The following NTM variants were observed in gnomAD, a reference collection of about 807,000 sequenced individuals.
The protein encoded by NTM is neurotrimin.
In NTM, 13 loss-of-function variants were observed where a neutral mutation model predicts 42.1. That is an observed-to-expected ratio of 0.31 (90% confidence interval 0.20 to 0.49). The LOEUF is 0.49. NTM is among the 20% of genes least tolerant of loss of function. The probability of loss-of-function intolerance (pLI) is 0.99; values close to 1 mark genes in which losing one functional copy is unlikely to be tolerated. For synonymous variants in NTM, 187 were observed against 179.2 expected (o/e 1.04, Z -0.35); for missense variants, 373 against 452.8 (o/e 0.82, Z 1.60).
chr11:131,541,787 A>G (rs1591993230), intron 1 of NTM, among the ~76,000 whole-genome samples: 1 of 152,224 alleles, frequency 6.6e-6, no homozygotes, highest in Non-Finnish European at 1.5e-5. Context: ...GCTGAATTAG[A>G]TAACATATTT....
chr11:131,794,922 G>A, intron 1 of NTM: 1 of 985,262 alleles, frequency 1.0e-6, no homozygotes, highest in African/African-American at 1.7e-5. Flanking sequence ...GGGTAACCAA[G>A]GCTTTGGAGT....
intron 1 of NTM, among the ~76,000 whole-genome samples, chr11:131,626,173 G>T (rs536302122): frequency 5.9e-5 from 9 of 152,160 alleles, no homozygotes; most frequent in African/African-American, 2.2e-4. Context: ...TCATAGAAGA[G>T]AAGTCTTCAA....
intron 2 of NTM, among the ~76,000 whole-genome samples, chr11:131,985,897 A>G (rs565834937): frequency 6.6e-6 from 1 of 152,214 alleles, no homozygotes; most frequent in Non-Finnish European, 1.5e-5. Context: ...TCATCAGGAC[A>G]CAGCACATAG....
intron 2 of NTM, among the ~76,000 whole-genome samples, chr11:131,914,261 G>C (rs2055871493): frequency 6.6e-6 from 1 of 152,090 alleles, no homozygotes; most frequent in Admixed American, 6.5e-5. Flanking sequence ...GTGTGTGTAG[G>C]GGGACAGAGG....
intron 1 of NTM, among the ~76,000 whole-genome samples, chr11:131,462,276 A>C (rs1369799492): frequency 1.3e-5 from 2 of 152,164 alleles, no homozygotes; most frequent in Non-Finnish European, 2.9e-5. Context: ...GGCACAAGAG[A>C]ATTTTTTGGA....
At chr11:131,744,142 G>A (rs898691845) in intron 1 of NTM, among the ~76,000 whole-genome samples, 1 of 152,118 alleles carries the variant, frequency 6.6e-6, no homozygotes, top group Admixed American at 6.5e-5. Flanking sequence ...TTCCCCATCT[G>A]TGAATTAGAG....
chr11:131,709,232 A>G (rs555310727), intron 1 of NTM, among the ~76,000 whole-genome samples: 59 of 152,194 alleles, frequency 3.9e-4, no homozygotes, highest in African/African-American at 1.4e-3. Flanking sequence ...GGGCCATTCT[A>G]GAAACTTCTG....
intron 1 of NTM, among the ~76,000 whole-genome samples, chr11:131,458,193 T>C (rs1302229059): frequency 6.6e-6 from 1 of 152,046 alleles, no homozygotes; most frequent in Non-Finnish European, 1.5e-5. Context: ...AGAGAGTGGG[T>C]TCTTGGTTTA....
chr11:131,655,722 A>G (rs757479069), intron 1 of NTM, among the ~76,000 whole-genome samples: 34 of 152,248 alleles, frequency 2.2e-4, no homozygotes, highest in Non-Finnish European at 4.0e-4. Flanking sequence ...GTTCGATCTG[A>G]CTGTGGAAAT....
intron 2 of NTM, among the ~76,000 whole-genome samples, chr11:131,951,122 C>G (rs1395435402): frequency 6.6e-6 from 1 of 152,094 alleles, no homozygotes; most frequent in Admixed American, 6.5e-5. Context: ...GCATCTAGGC[C>G]TTGATTTTGA....
At chr11:131,568,185 C>G (rs983961631) in intron 1 of NTM, among the ~76,000 whole-genome samples, 2 of 152,210 alleles carry the variant, frequency 1.3e-5, no homozygotes, top group African/African-American at 4.8e-5. Context: ...ATCCTCCAAT[C>G]ATAAACAGTA....
At chr11:131,418,067 G>A (rs1034553508) in intron 1 of NTM, among the ~76,000 whole-genome samples, 2 of 152,184 alleles carry the variant, frequency 1.3e-5, no homozygotes, top group Non-Finnish European at 2.9e-5. Flanking sequence ...GAATTGTAGA[G>A]CTGGAAGGAA....
intron 2 of NTM, among the ~76,000 whole-genome samples, chr11:132,075,654 G>A (rs1267708785): frequency 6.6e-6 from 1 of 152,192 alleles, no homozygotes; most frequent in Non-Finnish European, 1.5e-5. Context: ...GATAATTGCA[G>A]TCTACACAGA....
chr11:131,653,665 G>A (rs927572673), intron 1 of NTM, among the ~76,000 whole-genome samples: 1 of 152,224 alleles, frequency 6.6e-6, no homozygotes, highest in African/African-American at 2.4e-5. Context: ...GCCTGGAGCT[G>A]AGAGTGTAGG....
chr11:131,794,579 A>G (rs2136175783), intron 1 of NTM: 6 of 985,276 alleles, frequency 6.1e-6, no homozygotes, highest in Non-Finnish European at 7.2e-6. Flanking sequence ...GTGCTTGAAT[A>G]AGAAATGGCA....
At chr11:131,920,539 G>T (rs1184070631) in intron 2 of NTM, among the ~76,000 whole-genome samples, 1 of 152,148 alleles carries the variant, frequency 6.6e-6, no homozygotes, top group Non-Finnish European at 1.5e-5. Context: ...TAAATGTAGT[G>T]AACTATGAAT....
intron 1 of NTM, among the ~76,000 whole-genome samples, chr11:131,440,984 C>T (rs1160144318): frequency 6.6e-6 from 1 of 151,970 alleles, no homozygotes; most frequent in Non-Finnish European, 1.5e-5. Flanking sequence ...TGCTTTCCAT[C>T]CTATACAATT....
intron 1 of NTM, among the ~76,000 whole-genome samples, chr11:131,579,051 T>C (rs2058170225): frequency 6.6e-6 from 1 of 152,196 alleles, no homozygotes; most frequent in Non-Finnish European, 1.5e-5. Flanking sequence ...TGAGTCCAGC[T>C]AACAATTGAT....
chr11:132,018,730 C>T (rs1406105948), intron 2 of NTM, among the ~76,000 whole-genome samples: 1 of 151,978 alleles, frequency 6.6e-6, no homozygotes, highest in Non-Finnish European at 1.5e-5. Context: ...ACCCTAGACT[C>T]ATGAAATAAG....
Sources: gnomAD v4.1 joint callset for allele counts (sites outside exome capture counted in the v4.1 genomes callset) on GRCh38, gnomAD v4.1.1 for gene constraint, MANE v1.5 for transcripts, NCBI Gene and HGNC (gene_info 2026-07-23, HGNC 2026-07-21) for gene names.